Variants in ADGRB3 observed in about 807,000 individuals in gnomAD.
ADGRB3 encodes adhesion G protein-coupled receptor B3, also known as brain-specific angiogenesis inhibitor 3.
A neutral mutation model predicts 193.4 loss-of-function variants in ADGRB3; 37 were observed. The observed-to-expected ratio is 0.19, with a 90% CI of 0.15 to 0.25. The LOEUF is 0.25. ADGRB3 is among the 10% of genes least tolerant of loss of function. The pLI is 1.00. For missense variants in ADGRB3, 1,637 were observed against 1,852.9 expected (o/e 0.88, Z 2.14); for synonymous variants, 690 against 644.2 (o/e 1.07, Z -1.08).
At chr6:69,147,873 G>A (rs1237114866) in intron 17 of ADGRB3, among the ~76,000 whole-genome samples, 3 of 152,074 alleles carry the variant, frequency 2.0e-5, no homozygotes, top group Non-Finnish European at 4.4e-5. Context: ...CTATTGAGTT[G>A]TACCCTTTAT....
At chr6:69,348,165 A>G (rs1409509822) in intron 26 of ADGRB3, among the ~76,000 whole-genome samples, 1 of 152,182 alleles carries the variant, frequency 6.6e-6, no homozygotes, top group African/African-American at 2.4e-5. Context: ...ATGAAATAAG[A>G]TGGGTGAGAT....
chr6:69,365,325 G>A (rs1769545541), intron 29 of ADGRB3, among the ~76,000 whole-genome samples: 1 of 151,968 alleles, frequency 6.6e-6, no homozygotes, highest in Admixed American at 6.6e-5. Context: ...TGTATGTCTG[G>A]TGTAGTTCCC....
intron 3 of ADGRB3, among the ~76,000 whole-genome samples, chr6:68,925,720 G>T (rs1243926401): frequency 1.3e-5 from 2 of 151,932 alleles, no homozygotes; most frequent in East Asian, 1.9e-4. Context: ...TATAAAAAAT[G>T]AGTCTCAAAT....
chr6:68,829,671 T>A (rs1767917577), intron 3 of ADGRB3, among the ~76,000 whole-genome samples: 1 of 152,168 alleles, frequency 6.6e-6, no homozygotes, highest in Non-Finnish European at 1.5e-5. Context: ...AAACAAAAAA[T>A]TTACAAATAC....
intron 20 of ADGRB3, among the ~76,000 whole-genome samples, chr6:69,311,290 G>T (rs1032575839): frequency 5.9e-4 from 89 of 151,696 alleles, no homozygotes; most frequent in Non-Finnish European, 1.3e-4. Flanking sequence ...ATTCAAAGAA[G>T]AACCAAGAGA....
chr6:68,919,820 T>G (rs1766986507), intron 3 of ADGRB3, among the ~76,000 whole-genome samples: 1 of 152,158 alleles, frequency 6.6e-6, no homozygotes, highest in African/African-American at 2.4e-5. Flanking sequence ...AGTCAGATTA[T>G]CTGACATTAT....
rs540747510 is a variant in ADGRB3 at position 68,955,434 on chromosome 6, A to C, written c.1196-590A>C. Among the ~76,000 whole-genome samples, 46 of 152,314 alleles carry C rather than the reference A, an allele frequency of 3.0e-4. 1 individual carries two copies. The South Asian group carries it at 9.5e-3, about 32-fold the overall frequency. On this transcript the variant is annotated intron_variant, in intron 6 of 31. Coordinates refer to ENST00000370598, the MANE Select transcript of ADGRB3 (RefSeq NM_001704.3). ...CACTATTTCATGTACCCCATCTCCTAGCACAATGTATTGCATCTTTGAGTG... is the reference window on the plus strand; with the variant it reads ...CACTATTTCATGTACCCCATCTCCTCGCACAATGTATTGCATCTTTGAGTG...
chr6:69,090,581 C>G (rs1302627549), intron 17 of ADGRB3, among the ~76,000 whole-genome samples: 1 of 151,930 alleles, frequency 6.6e-6, no homozygotes, highest in Non-Finnish European at 1.5e-5. Flanking sequence ...CATTGGGTAC[C>G]CAAAATGTTG....
At chr6:69,265,196 G>T (rs1480836652) in intron 20 of ADGRB3, among the ~76,000 whole-genome samples, 1 of 151,982 alleles carries the variant, frequency 6.6e-6, no homozygotes, top group African/African-American at 2.4e-5. Flanking sequence ...TAGAATTTTG[G>T]AGGGTGAGTT....
chr6:69,193,654 AC>A (rs1195890647), intron 17 of ADGRB3, among the ~76,000 whole-genome samples: 2 of 152,084 alleles, frequency 1.3e-5, no homozygotes, highest in African/African-American at 4.8e-5. Flanking sequence ...AAATTAGAAC[AC>A]CTGGGTTCTA....
At chr6:69,021,029 A>G (rs1029616484) in intron 13 of ADGRB3, among the ~76,000 whole-genome samples, 7 of 151,982 alleles carry the variant, frequency 4.6e-5, no homozygotes, top group African/African-American at 1.7e-4. Context: ...GTTGTGAAAC[A>G]TGTGAATTGG....
chr6:68,847,807 CA>C (rs1218350146), intron 3 of ADGRB3, among the ~76,000 whole-genome samples: 3 of 150,854 alleles, frequency 2.0e-5, no homozygotes, highest in Non-Finnish European at 4.4e-5. Context: ...AGAGGAAAAG[CA>C]AATGAAATCA....
chr6:69,068,848 T>C (rs901494306), intron 16 of ADGRB3, among the ~76,000 whole-genome samples: 3 of 152,194 alleles, frequency 2.0e-5, no homozygotes, highest in Non-Finnish European at 4.4e-5. Context: ...CTATGTAACA[T>C]AGATGGGACT....
intron 17 of ADGRB3, among the ~76,000 whole-genome samples, chr6:69,141,412 T>C (rs1012947050): frequency 2.6e-5 from 4 of 151,756 alleles, no homozygotes; most frequent in African/African-American, 4.8e-5. Flanking sequence ...CATGAGCCAC[T>C]GCGCCCGGCC....
At chr6:69,056,985 C>T (rs568680960) in intron 15 of ADGRB3, among the ~76,000 whole-genome samples, 1 of 152,042 alleles carries the variant, frequency 6.6e-6, no homozygotes, top group South Asian at 2.1e-4. Flanking sequence ...GGATAGATTG[C>T]TTTGGGTAAT....
At chr6:68,648,229 A>G (rs1768260858) in intron 3 of ADGRB3, among the ~76,000 whole-genome samples, 1 of 152,162 alleles carries the variant, frequency 6.6e-6, no homozygotes, top group South Asian at 2.1e-4. Flanking sequence ...TAACTGAATG[A>G]ATAGGAGCCT....
At chr6:69,076,087 C>T (rs1473000600) in intron 17 of ADGRB3, 49 bp downstream of exon 17, 1 of 1,539,162 alleles carries the variant, frequency 6.5e-7, no homozygotes, top group Non-Finnish European at 9.0e-7. Context: ...ATTTTCAAAG[C>T]ACATTAAGTT....
intron 3 of ADGRB3, among the ~76,000 whole-genome samples, chr6:68,893,251 A>G (rs975261272): frequency 6.6e-6 from 1 of 152,078 alleles, no homozygotes; most frequent in South Asian, 2.1e-4. Context: ...ATTTTCATAG[A>G]GTTTGTGAAA....
At chr6:69,018,772 T>G (rs577783399) in intron 13 of ADGRB3, among the ~76,000 whole-genome samples, 1 of 152,008 alleles carries the variant, frequency 6.6e-6, no homozygotes, top group Non-Finnish European at 1.5e-5. Context: ...TAGGATAATA[T>G]GTATTTATTT....
Sources: gnomAD v4.1 joint callset for allele counts (sites outside exome capture counted in the v4.1 genomes callset) on GRCh38, gnomAD v4.1.1 for gene constraint, MANE v1.5 for transcripts, NCBI Gene and HGNC (gene_info 2026-07-23, HGNC 2026-07-21) for gene names.